NDUFAF1: variants seen among roughly 807,000 people sequenced by gnomAD.
NDUFAF1 encodes complex I intermediate-associated protein 30, mitochondrial.
A neutral mutation model predicts 28.7 loss-of-function variants in NDUFAF1; 18 were observed. The observed-to-expected ratio is 0.63, with a 90% CI of 0.43 to 0.93. The LOEUF is 0.93. Among genes scored for constraint, NDUFAF1 ranks in the 40% least tolerant of loss-of-function variants. The pLI, the probability that NDUFAF1 is intolerant of heterozygous loss-of-function variation, is 0.00. For synonymous variants in NDUFAF1, 113 were observed against 139.7 expected (o/e 0.81, Z 1.35); for missense variants, 404 against 398.3 (o/e 1.01, Z -0.12).
chr15:41,395,893 G>C (rs1363686974), intron 2 of NDUFAF1, among the ~76,000 whole-genome samples: 2 of 151,616 alleles, frequency 1.3e-5, no homozygotes, highest in Non-Finnish European at 2.9e-5. Context: ...TTCAAGACCA[G>C]CCTGGCCAAC....
Position 41,398,441 on chromosome 15 carries a change from G to A in NDUFAF1, c.-81-1301C>T, listed in dbSNP as rs1441654799. Among the ~76,000 whole-genome samples the A allele has an allele frequency of 4.1e-5, 6 of 146,642 alleles. No homozygotes were observed. The South Asian group carries it at 6.8e-4, about 17-fold the overall frequency. On this transcript the variant is annotated intron_variant, in intron 1 of 4. Transcript: ENST00000260361. ...AGGGATTGCAGTGAGCCGAGATCACGCCACTGCACTCCAGCCTGGACAAGA... is the reference window on the plus strand; with the variant it reads ...AGGGATTGCAGTGAGCCGAGATCACACCACTGCACTCCAGCCTGGACAAGA...
intron 3 of NDUFAF1, among the ~76,000 whole-genome samples, chr15:41,389,672 C>CTAA (rs1281633348): frequency 1.3e-5 from 2 of 151,982 alleles, no homozygotes; most frequent in Non-Finnish European, 2.9e-5. Context: ...ATTCAGGAGG[C>CTAA]TAAGGTGGGA....
At chr15:41,394,175 T>C (rs920690663) in intron 3 of NDUFAF1, 1 of 451,472 alleles carries the variant, frequency 2.2e-6, no homozygotes, top group African/African-American at 2.0e-5. Flanking sequence ...ATTACAGGCA[T>C]GCGCCACCAC....
At chr15:41,402,816 C>CT (rs2050484153), upstream of NDUFAF1, among the ~76,000 whole-genome samples, 1 of 149,202 alleles carries the variant, frequency 6.7e-6, no homozygotes, top group Admixed American at 6.8e-5. Flanking sequence ...ACTACAACCT[C>CT]TGCCTCCCAG....
rs2050337474 is a variant in NDUFAF1, at chr15:41,393,275, C to G, written c.759+1584G>C. Among the ~76,000 whole-genome samples the G allele has an allele frequency of 3.3e-5, 5 of 150,822 alleles. No individual in the cohort carries two copies. In the South Asian group the frequency reaches 1.1e-3, roughly 32 times the overall value. ...TAGTAGCTGGGATTACAGGCACACA[C>G]CACCATGCCCGGCTAATTTTTTTTT... On this transcript the variant is annotated intron_variant, in intron 3 of 4. Coordinates refer to ENST00000260361, the MANE Select transcript of NDUFAF1 (RefSeq NM_016013.4).
Position 41,402,325 on chromosome 15 carries a change from G to T in NDUFAF1, c.-263C>A, listed in dbSNP as rs1316073697. The T allele has an allele frequency of 4.4e-6, 2 of 453,974 alleles. No homozygotes were observed. The highest frequency in any genetic ancestry group is 8.8e-6 in the Non-Finnish European group (2 of 226,788). 28.1% of individuals were successfully genotyped at this position (453,974 alleles called of 1,614,324 possible). On this transcript the variant is annotated 5_prime_UTR_variant, in exon 1 of 5. Coordinates refer to ENST00000260361, the MANE Select transcript of NDUFAF1 (RefSeq NM_016013.4). ...TTGGCGTATACCTCCCGCACTCACG[G>T]CCTGGCCTCCGGAGGCTAGACGGTT...
At position 41,393,147 on chromosome 15, in the gene NDUFAF1, C is replaced by T. The variant is rs1446804353; in HGVS notation, c.759+1712G>A. Among the ~76,000 whole-genome samples, 6 of 128,834 alleles carry T rather than the reference C, an allele frequency of 4.7e-5. No individual in the cohort carries two copies. In the South Asian group the frequency reaches 7.7e-4, roughly 17 times the overall value. 84.5% of individuals were successfully genotyped at this position (128,834 alleles called of 152,430 possible). A position where few individuals can be genotyped will look rare whatever the true frequency, so the allele number is the denominator to read the frequency against. On this transcript the variant is annotated intron_variant, in intron 3 of 4. Coordinates refer to ENST00000260361, the MANE Select transcript of NDUFAF1 (RefSeq NM_016013.4). ...TTTTTTTTTTTTTTTTTTTTTGAGA[C>T]GGAGTCTTGCTCTGTTGCCCAGGCT...
intron 3 of NDUFAF1, among the ~76,000 whole-genome samples, chr15:41,391,995 G>C (rs759038981): frequency 2.0e-5 from 3 of 151,706 alleles, no homozygotes; most frequent in Non-Finnish European, 4.4e-5. Flanking sequence ...GACAGGAGGA[G>C]AGATGGAAGA....
At chr15:41,390,496 C>T (rs1158143924) in intron 3 of NDUFAF1, among the ~76,000 whole-genome samples, 13 of 149,462 alleles carry the variant, frequency 8.7e-5, no homozygotes, top group Middle Eastern at 3.7e-3. Flanking sequence ...GAGGCCAAGG[C>T]AGGCGGATCA....
Position 41,396,537 on chromosome 15 carries a change from C to T in NDUFAF1, c.523G>A (p.Gly175Arg), listed in dbSNP as rs768427310. Reference sequence around the variant, plus strand: ...CAGTACCCACTTCGGGTAGACTCCCCGTCCTGAGGCGCCTCAGAGCTCAGA... The same window carrying T: ...CAGTACCCACTTCGGGTAGACTCCCTGTCCTGAGGCGCCTCAGAGCTCAGA... Reference protein sequence around the residue: ...GTLSSEAPQDGESTRSGYCAM... With the variant: ...GTLSSEAPQDRESTRSGYCAM... Residue 175 changes from glycine to arginine, a missense_variant, in exon 2 of 5, where the codon GGG (glycine) becomes AGG (arginine). Physicochemically the swap from Gly to Arg is moderately radical, Grantham distance 125 (BLOSUM62 -2). Coordinates refer to ENST00000260361, the MANE Select transcript of NDUFAF1 (RefSeq NM_016013.4). 21 of 1,614,140 alleles carry T rather than the reference C, an allele frequency of 1.3e-5. No individual in the cohort carries two copies. Among genetic ancestry groups the T allele is most frequent in the Non-Finnish European group, 1.7e-5 (20 of 1,180,032 alleles).
At chr15:41,395,261 G>A (rs1346216663) in intron 2 of NDUFAF1, among the ~76,000 whole-genome samples, 1 of 152,132 alleles carries the variant, frequency 6.6e-6, no homozygotes, top group Non-Finnish European at 1.5e-5. Context: ...ACTGGCCCAG[G>A]ACAGTGTTTA....
In NDUFAF1 at chr15:41,402,404, C is replaced by G. The variant is rs967547532; in HGVS notation, c.-342G>C. 1 of 448,808 alleles carries G rather than the reference C, an allele frequency of 2.2e-6. No individual in the cohort carries two copies. The highest frequency in any genetic ancestry group is 2.0e-5 in the African/African-American group (1 of 49,886). The allele number at this position is 448,808 out of a possible 1,614,324, so 27.8% of individuals were successfully genotyped here. ...TCAAGTGCCAGGGCTCTGTCGCCTC[C>G]CCACACCCGGGACACACCAACCGCC... On this transcript the variant is annotated 5_prime_UTR_variant, in exon 1 of 5. Coordinates refer to ENST00000260361, the MANE Select transcript of NDUFAF1 (RefSeq NM_016013.4).
At chr15:41,402,703 C>G (rs546063058), upstream of NDUFAF1, among the ~76,000 whole-genome samples, 1 of 150,114 alleles carries the variant, frequency 6.7e-6, no homozygotes, top group African/African-American at 2.4e-5. Flanking sequence ...TGTATCCTTT[C>G]AGGCGGCAAA....
intron 3 of NDUFAF1, among the ~76,000 whole-genome samples, chr15:41,390,385 G>A (rs1595630686): frequency 6.6e-6 from 1 of 152,262 alleles, no homozygotes; most frequent in South Asian, 2.1e-4. Flanking sequence ...AAACACCACT[G>A]GAAGGGAAAA....
intron 3 of NDUFAF1, among the ~76,000 whole-genome samples, chr15:41,390,349 A>G (rs1310810082): frequency 1.3e-5 from 2 of 152,232 alleles, no homozygotes; most frequent in African/African-American, 4.8e-5. Context: ...ACAATAGTTC[A>G]GTGAAAATAC....
chr15:41,387,882 G>C (rs1446285819), intron 4 of NDUFAF1, among the ~76,000 whole-genome samples: 1 of 152,192 alleles, frequency 6.6e-6, no homozygotes, highest in Non-Finnish European at 1.5e-5. Context: ...GGGAGGCCAA[G>C]GTGGGCAGAT....
intron 1 of NDUFAF1, among the ~76,000 whole-genome samples, chr15:41,399,069 C>T (rs1256925363): frequency 1.3e-5 from 2 of 152,036 alleles, no homozygotes; most frequent in Non-Finnish European, 2.9e-5. Context: ...AGTTGGAGAC[C>T]AGCCTGCCCA....
rs557500386 is a variant in NDUFAF1 at position 41,393,908 on chromosome 15, C to T, written c.759+951G>A. On this transcript the variant is annotated intron_variant, in intron 3 of 4. Coordinates refer to ENST00000260361, the MANE Select transcript of NDUFAF1 (RefSeq NM_016013.4). ...ATTTTTAGTAGAGATGGGGTTTTGC[C>T]ATGTTAGCCAGGCTGGTCTCAAACT... 2.0e-5 allele frequency among the ~76,000 whole-genome samples: 3 copies of T among 149,010 alleles called. No homozygotes were observed. The South Asian group carries it at 6.4e-4, about 32-fold the overall frequency.
intron 3 of NDUFAF1, among the ~76,000 whole-genome samples, chr15:41,392,354 A>G (rs757161296): frequency 2.0e-5 from 3 of 152,120 alleles, no homozygotes; most frequent in Non-Finnish European, 4.4e-5. Context: ...GATTAAAAGC[A>G]TGAGCCACCT....
Sources: allele counts gnomAD v4.1 joint callset (sites outside exome capture counted in the v4.1 genomes callset), GRCh38; gene constraint gnomAD v4.1.1; transcripts MANE v1.5; gene names NCBI Gene and HGNC (gene_info 2026-07-23, HGNC 2026-07-21).